SMCHD1: variants seen among roughly 807,000 people sequenced by gnomAD.
SMCHD1 encodes the protein structural maintenance of chromosomes flexible hinge domain-containing protein 1.
In SMCHD1, 78 loss-of-function variants were observed where a neutral mutation model predicts 254.7. The observed-to-expected ratio is 0.31, with a 90% CI of 0.26 to 0.37. The LOEUF (loss-of-function observed/expected upper bound fraction) is 0.37. Ranked by LOEUF, SMCHD1 falls within the 10% of genes least tolerant of loss-of-function variation. The pLI is 1.00. For synonymous variants in SMCHD1, 766 were observed against 794.9 expected, an observed-to-expected ratio of 0.96 and a Z score of 0.61; for missense variants, 1,840 against 2,408.1, an observed-to-expected ratio of 0.76 and a Z score of 4.94.
chr18:2,658,244 C>A (rs2073132766), intron 1 of SMCHD1, among the ~76,000 whole-genome samples: 1 of 152,194 alleles, frequency 6.6e-6, no homozygotes, highest in South Asian at 2.1e-4. Context: ...TACCCTTCCT[C>A]TAGAAATGCA....
chr18:2,771,554 T>G lies in SMCHD1; in HGVS notation c.4988T>G (p.Leu1663Ter). The G allele has an allele frequency of 6.4e-7, 1 of 1,566,776 alleles. No homozygotes were observed. The highest frequency in any genetic ancestry group is 8.6e-7 in the Non-Finnish European group (1 of 1,166,972). Residue 1663 changes from leucine (L) to a stop codon, truncating the protein, a stop_gained, in exon 40 of 48, where the codon TTA becomes TGA. Coordinates refer to ENST00000320876, the MANE Select transcript of SMCHD1 (RefSeq NM_015295.3). LOFTEE classifies it high-confidence loss of function. ...TTAGGTCAAGTTGAAGAAGCAAGAT[T>G]AAAAGAGGCCCAATTGCGAAATGAA... Reference protein sequence around the residue: ...EMKCQVEEARLKEAQLRNELK... With the variant: ...EMKCQVEEAR
At chr18:2,783,909 C>T (rs184185204) in intron 44 of SMCHD1, among the ~76,000 whole-genome samples, 151 of 152,252 alleles carry the variant, frequency 9.9e-4, no homozygotes, top group Non-Finnish European at 1.7e-3. Context: ...CATCTTTTCC[C>T]ATCCATGACT....
At chr18:2,688,796 C>T (rs986230308) in intron 7 of SMCHD1, 49 bp downstream of exon 7, 22 of 1,106,880 alleles carry the variant, frequency 2.0e-5, no homozygotes, top group African/African-American at 1.4e-4. Context: ...TTTGGATAGA[C>T]GGTGGGACAG....
intron 5 of SMCHD1, among the ~76,000 whole-genome samples, chr18:2,676,954 G>T (rs1240798857): frequency 6.6e-6 from 1 of 152,032 alleles, no homozygotes; most frequent in East Asian, 1.9e-4. Flanking sequence ...TTTAACATAA[G>T]ATTTTCATAA....
intron 25 of SMCHD1, among the ~76,000 whole-genome samples, chr18:2,735,038 C>T (rs1330320240): frequency 6.6e-6 from 1 of 150,604 alleles, no homozygotes; most frequent in Non-Finnish European, 1.5e-5. Flanking sequence ...CCACTGCACT[C>T]CAGCCTGGGA....
chr18:2,719,217 GTTCCT>G (rs200291750), intron 19 of SMCHD1, among the ~76,000 whole-genome samples: 2 of 149,956 alleles, frequency 1.3e-5, no homozygotes, highest in Non-Finnish European at 3.0e-5. Context: ...TTTCTTTTCT[GTTCCT>G]TTCCTTTCTT....
intron 45 of SMCHD1, chr18:2,784,850 G>A (rs2076213134): frequency 1.8e-6 from 1 of 542,212 alleles, no homozygotes; most frequent in Non-Finnish European, 3.5e-6. Context: ...TGTAGTGCAT[G>A]CCTGTGTTCC....
intron 45 of SMCHD1, chr18:2,785,121 C>T (rs2076218201): frequency 4.0e-6 from 1 of 250,534 alleles, no homozygotes; most frequent in Admixed American, 5.2e-5. Context: ...AGGCTGTGTC[C>T]CTTTGCATCT....
intron 5 of SMCHD1, among the ~76,000 whole-genome samples, chr18:2,678,303 C>CTTCTTT (rs1555628024): frequency 7.9e-6 from 1 of 126,234 alleles, no homozygotes; most frequent in African/African-American, 3.0e-5. Flanking sequence ...TTCTTTCTTC[C>CTTCTTT]TTTTTTTTTT....
chr18:2,800,127 A>G (rs1341230080), intron 47 of SMCHD1, among the ~76,000 whole-genome samples: 2 of 152,024 alleles, frequency 1.3e-5, no homozygotes, highest in Admixed American at 1.3e-4. Flanking sequence ...TTAGCCCCAG[A>G]AACACTTTGG....
At chr18:2,659,478 A>G (rs541652332) in intron 1 of SMCHD1, among the ~76,000 whole-genome samples, 1 of 152,334 alleles carries the variant, frequency 6.6e-6, no homozygotes, top group East Asian at 1.9e-4. Context: ...AATGGAAAGG[A>G]CAAATCTGCA....
At chr18:2,719,879 T>C (rs1219070765) in intron 19 of SMCHD1, among the ~76,000 whole-genome samples, 1 of 152,174 alleles carries the variant, frequency 6.6e-6, no homozygotes, top group Non-Finnish European at 1.5e-5. Context: ...TTCTTCATGT[T>C]GGTGAGGCTG....
At chr18:2,790,020 AAAAAT>A (rs1408359304) in intron 45 of SMCHD1, among the ~76,000 whole-genome samples, 2 of 152,018 alleles carry the variant, frequency 1.3e-5, no homozygotes, top group African/African-American at 2.4e-5. Flanking sequence ...CGTCTCTACT[AAAAAT>A]AAAAAAAGTT....
At chr18:2,716,342 A>T (rs992256510) in intron 17 of SMCHD1, among the ~76,000 whole-genome samples, 48 of 152,174 alleles carry the variant, frequency 3.2e-4, no homozygotes, top group African/African-American at 1.1e-3. Flanking sequence ...GTTTTAGCAG[A>T]TGTTTTAATG....
chr18:2,670,639 G>A (rs966025758), intron 3 of SMCHD1, among the ~76,000 whole-genome samples: 3 of 152,020 alleles, frequency 2.0e-5, no homozygotes, highest in Non-Finnish European at 4.4e-5. Context: ...CTGGGCTCAC[G>A]CCTGTAATCC....
chr18:2,783,882 AT>A (rs2076197958), intron 44 of SMCHD1, among the ~76,000 whole-genome samples: 1 of 152,048 alleles, frequency 6.6e-6, no homozygotes, highest in South Asian at 2.1e-4. Flanking sequence ...TAAGAATTTA[AT>A]TCTTAATTAA....
intron 7 of SMCHD1, among the ~76,000 whole-genome samples, chr18:2,692,094 A>AT (rs1451341631): frequency 2.6e-5 from 4 of 152,204 alleles, no homozygotes; most frequent in African/African-American, 4.8e-5. Context: ...TCCAAACAGT[A>AT]TTTTTTTGCC....
chr18:2,656,213 G>T lies in SMCHD1; in HGVS notation c.138G>T (p.Gln46His). 6.6e-7 allele frequency: 1 copy of T among 1,505,898 alleles called. No individual in the cohort carries two copies. The highest frequency in any genetic ancestry group is 8.8e-7 in the Non-Finnish European group (1 of 1,135,694). The allele number at this position is 1,505,898 out of a possible 1,614,324, so 93.3% of individuals were successfully genotyped here. Residue 46 changes from glutamine (Q) to histidine (H), a missense_variant, in exon 1 of 48, where the codon CAG (glutamine) becomes CAT (histidine). Around this residue, in one of 9 missense-constraint regions of SMCHD1, gnomAD observed 115 missense variants for 99.1 expected, o/e 1.16. Transcript: ENST00000320876. ...KESELGDRPLQVGERSDYAGF... is the reference protein window; with the variant it reads ...KESELGDRPLHVGERSDYAGF... ...CCGAGCTCGGGGACCGGCCTCTGCA[G>T]GTCGGGGAGCGCTCGGACTACGCGG... is the stretch of plus-strand genomic sequence containing the variant.
At chr18:2,754,448 G>A (rs1198518361) in intron 34 of SMCHD1, among the ~76,000 whole-genome samples, 2 of 152,218 alleles carry the variant, frequency 1.3e-5, no homozygotes, top group Non-Finnish European at 2.9e-5. Flanking sequence ...GCTTTCCAAG[G>A]ATTCTGTCTT....
Sources: gnomAD v4.1 joint callset for allele counts (sites outside exome capture counted in the v4.1 genomes callset) on GRCh38, gnomAD v4.1.1 for gene constraint, gnomAD v4.1.1 regional missense constraint, MANE v1.5 for transcripts, NCBI Gene and HGNC (gene_info 2026-07-23, HGNC 2026-07-21) for gene names.